Variants in PPP2CA observed in about 807,000 individuals in gnomAD.
PPP2CA encodes the protein protein phosphatase 2 catalytic subunit alpha, also known as serine/threonine-protein phosphatase 2A catalytic subunit alpha isoform.
In PPP2CA, 5 loss-of-function variants were observed where a neutral mutation model predicts 38.8. The observed-to-expected ratio is 0.13, with a 90% confidence interval of 0.07 to 0.27. PPP2CA has a LOEUF of 0.27. Ranked by LOEUF, PPP2CA falls within the 10% of genes least tolerant of loss-of-function variation. The pLI is 1.00. For synonymous variants in PPP2CA, 152 were observed against 134.0 expected (o/e 1.13, Z -0.93); for missense variants, 88 against 389.7 (o/e 0.23, Z 6.52).
At chr5:134,224,250 T>C (rs1561745733) in intron 1 of PPP2CA, 2 of 453,944 alleles carry the variant, frequency 4.4e-6, no homozygotes, top group South Asian at 3.1e-5. Context: ...TTAAAATAAA[T>C]ACCAACCTCA....
chr5:134,219,297 T>C (rs1308484416), intron 1 of PPP2CA, among the ~76,000 whole-genome samples: 1 of 152,242 alleles, frequency 6.6e-6, no homozygotes, highest in Non-Finnish European at 1.5e-5. Context: ...GTGACAATAA[T>C]GCATACAATG....
Position 134,216,557 on chromosome 5 carries a change from A to AAAAAAAAAAAAAAAAAAAAAG in PPP2CA, c.102+9202_102+9203insCTTTTTTTTTTTTTTTTTTTT, listed in dbSNP as rs57520870. Among the ~76,000 whole-genome samples, 4 of 111,084 alleles carry AAAAAAAAAAAAAAAAAAAAAG rather than the reference A, an allele frequency of 3.6e-5. 1 individual carries two copies. The highest frequency in any genetic ancestry group is 7.2e-5 in the Non-Finnish European group (4 of 55,304). The allele number at this position is 111,084 out of a possible 152,430, so 72.9% of individuals were successfully genotyped here. On this transcript the variant is annotated intron_variant, in intron 1 of 6. Coordinates refer to ENST00000481195, the MANE Select transcript of PPP2CA (RefSeq NM_002715.4). ...TGCCTCAAAAAAAAAAAAAAAAAAA[A>AAAAAAAAAAAAAAAAAAAAAG]GTGGTTTCCTTCAAAAGAAGGTAGT...
At chr5:134,222,945 T>TA (rs1375145596) in intron 1 of PPP2CA, among the ~76,000 whole-genome samples, 1 of 152,236 alleles carries the variant, frequency 6.6e-6, no homozygotes, top group Non-Finnish European at 1.5e-5. Context: ...AATGCATACT[T>TA]AGATTCTCTC....
chr5:134,213,831 T>TA (rs560960148), intron 1 of PPP2CA, among the ~76,000 whole-genome samples: 70 of 152,148 alleles, frequency 4.6e-4, no homozygotes, highest in African/African-American at 1.5e-3. Flanking sequence ...TTCTTTGCAT[T>TA]AAAAAAAGGC....
chr5:134,213,927 G>A (rs891171410), intron 1 of PPP2CA, among the ~76,000 whole-genome samples: 2 of 151,954 alleles, frequency 1.3e-5, no homozygotes, highest in Admixed American at 1.3e-4. Flanking sequence ...TCAAGAGTTT[G>A]GGACCAGCCT....
chr5:134,198,352 C>T (rs1476737330), intron 6 of PPP2CA, among the ~76,000 whole-genome samples: 1 of 151,688 alleles, frequency 6.6e-6, no homozygotes, highest in Non-Finnish European at 1.5e-5. Context: ...AAGATCGCAC[C>T]ACTGCACTCC....
intron 1 of PPP2CA, chr5:134,224,249 A>C: frequency 2.2e-6 from 1 of 453,960 alleles, no homozygotes. Context: ...TTTAAAATAA[A>C]TACCAACCTC....
chr5:134,211,347 A>T (rs1762199500), intron 1 of PPP2CA, among the ~76,000 whole-genome samples: 1 of 152,208 alleles, frequency 6.6e-6, no homozygotes, highest in Non-Finnish European at 1.5e-5. Flanking sequence ...CAGCTATAAG[A>T]TAAATGACCC....
chr5:134,198,087 C>T (rs960891524), intron 6 of PPP2CA, among the ~76,000 whole-genome samples: 22 of 152,028 alleles, frequency 1.4e-4, no homozygotes, highest in African/African-American at 5.3e-4. Context: ...AAATTTCAAA[C>T]AAAACAAAAC....
chr5:134,212,126 A>AATAGTC, intron 1 of PPP2CA, among the ~76,000 whole-genome samples: 1 of 151,850 alleles, frequency 6.6e-6, no homozygotes, highest in South Asian at 2.1e-4. Flanking sequence ...CAAAAATAGT[A>AATAGTC]ATTTCCTTAA....
intron 2 of PPP2CA, among the ~76,000 whole-genome samples, chr5:134,205,127 C>T (rs1762051190): frequency 6.6e-6 from 1 of 151,894 alleles, no homozygotes. Flanking sequence ...TAGACAAGGT[C>T]TCACTATGTT....
At chr5:134,209,339 A>G (rs1762152049) in intron 1 of PPP2CA, among the ~76,000 whole-genome samples, 1 of 152,126 alleles carries the variant, frequency 6.6e-6, no homozygotes, top group African/African-American at 2.4e-5. Flanking sequence ...GCAACCTTGG[A>G]AAGAACCAGT....
intron 1 of PPP2CA, among the ~76,000 whole-genome samples, chr5:134,218,669 CTT>C (rs11400515): frequency 6.9e-6 from 1 of 144,484 alleles, no homozygotes; most frequent in African/African-American, 2.5e-5. Context: ...TTGTTTCTTT[CTT>C]TTTTTTTTTT....
chr5:134,196,819 C>G lies in PPP2CA; in HGVS notation c.*953G>C, dbSNP rs1019494793. 1 of 152,388 alleles carries G rather than the reference C, an allele frequency of 6.6e-6. No homozygotes were observed. The highest frequency in any genetic ancestry group is 1.5e-5 in the Non-Finnish European group (1 of 68,028). 9.4% of individuals were successfully genotyped at this position (152,388 alleles called of 1,614,324 possible). A position where few individuals can be genotyped will look rare whatever the true frequency, so the allele number is the denominator to read the frequency against. On this transcript the variant is annotated 3_prime_UTR_variant, in exon 7 of 7. Coordinates refer to ENST00000481195, the MANE Select transcript of PPP2CA (RefSeq NM_002715.4). ...GTTTTACAATTAAGTCTTACTGAAGCAGCACAGATTTCCTTTCTTACAAAC... is the reference window on the plus strand; with the variant it reads ...GTTTTACAATTAAGTCTTACTGAAGGAGCACAGATTTCCTTTCTTACAAAC...
At chr5:134,207,611 T>C (rs1427641076) in intron 1 of PPP2CA, among the ~76,000 whole-genome samples, 1 of 152,054 alleles carries the variant, frequency 6.6e-6, no homozygotes, top group Non-Finnish European at 1.5e-5. Context: ...TGGAGTACAG[T>C]GGCATGATCT....
intron 1 of PPP2CA, among the ~76,000 whole-genome samples, chr5:134,211,545 C>T (rs1762203322): frequency 6.7e-6 from 1 of 150,368 alleles, no homozygotes; most frequent in East Asian, 2.0e-4. Flanking sequence ...GGTGCGATCT[C>T]GGTTCGCTGC....
rs528161807 is a variant in PPP2CA, at chr5:134,221,694, G to A, written c.102+4066C>T. ...AAAATAAAAATAATGTCTTGGCCAG[G>A]CGCGCTGGCTCAAGCCTGTAATCCC... On this transcript the variant is annotated intron_variant, in intron 1 of 6. Transcript: ENST00000481195. 3.3e-5 allele frequency among the ~76,000 whole-genome samples: 5 copies of A among 152,226 alleles called. No individual in the cohort carries two copies. The South Asian group carries it at 1.0e-3, about 32-fold the overall frequency.
At chr5:134,221,663 G>A (rs774827358) in intron 1 of PPP2CA, among the ~76,000 whole-genome samples, 2 of 152,216 alleles carry the variant, frequency 1.3e-5, no homozygotes, top group South Asian at 2.1e-4. Context: ...AAGCTTTCAA[G>A]CAATGAAAAT....
At chr5:134,217,641 T>C (rs1762349654) in intron 1 of PPP2CA, among the ~76,000 whole-genome samples, 1 of 152,226 alleles carries the variant, frequency 6.6e-6, no homozygotes, top group Non-Finnish European at 1.5e-5. Flanking sequence ...TTGTGATAAG[T>C]TAGTGTACAG....
Sources: allele counts gnomAD v4.1 joint callset (sites outside exome capture counted in the v4.1 genomes callset), GRCh38; gene constraint gnomAD v4.1.1; transcripts MANE v1.5; gene names NCBI Gene and HGNC (gene_info 2026-07-23, HGNC 2026-07-21).